CES2: variants seen among roughly 807,000 people sequenced by gnomAD.
CES2 encodes the protein cocaine esterase.
A neutral mutation model predicts 52.1 loss-of-function variants in CES2; 42 were observed. The observed-to-expected ratio is 0.81, with a 90% CI of 0.63 to 1.04. The LOEUF (loss-of-function observed/expected upper bound fraction) is 1.04, where lower values mean the gene tolerates loss of function less well. Ranked by LOEUF, CES2 falls within the 50% of genes least tolerant of loss-of-function variation. The probability of loss-of-function intolerance (pLI) is 0.00; values close to 1 mark genes in which losing one functional copy is unlikely to be tolerated. For missense variants in CES2, 656 were observed against 724.3 expected (o/e 0.91, Z 1.08); for synonymous variants, 277 against 289.6 (o/e 0.96, Z 0.44).
rs1184903751 is a variant in CES2, at chr16:66,940,378, C to T, written c.557+23C>T. On this transcript the variant is annotated intron_variant, in intron 4 of 11. Coordinates refer to ENST00000317091, the MANE Select transcript of CES2 (RefSeq NM_001365405.1). ...CAGGTGAGACTAGGGCTGGGCTGGGCAACCCGGGCTGAGCGGGGCCAGGAC... is the reference window on the plus strand; with the variant it reads ...CAGGTGAGACTAGGGCTGGGCTGGGTAACCCGGGCTGAGCGGGGCCAGGAC... 5 of 1,614,000 alleles carry T rather than the reference C, an allele frequency of 3.1e-6. No individual in the cohort carries two copies. The African/African-American group carries it at 4.0e-5, about 13-fold the overall frequency.
At position 66,942,643 on chromosome 16, in the gene CES2, C is replaced by A. The variant is rs539437735; in HGVS notation, c.1283-5C>A. On this transcript the variant is annotated splice_polypyrimidine_tract_variant and splice_region_variant and intron_variant, in intron 9 of 11. Coordinates refer to ENST00000317091, the MANE Select transcript of CES2 (RefSeq NM_001365405.1). ...CCACCGTGTCATGGGCTGTCCACCCCACAGGTTCCCGGGCCCCTGTGTACT... is the reference window on the plus strand; with the variant it reads ...CCACCGTGTCATGGGCTGTCCACCCAACAGGTTCCCGGGCCCCTGTGTACT... The A allele has an allele frequency of 1.1e-5, 18 of 1,614,164 alleles. No homozygotes were observed. The highest frequency in any genetic ancestry group is 8.8e-5 in the South Asian group (8 of 91,076).
At chr16:66,935,972 G>T in intron 1 of CES2, 1 of 1,400,954 alleles carries the variant, frequency 7.1e-7, no homozygotes, top group Non-Finnish European at 9.3e-7. Context: ...GACATGCCAG[G>T]CCGGGTAGGC....
rs201663206 is a variant in CES2 at position 66,940,558 on chromosome 16, G to A, written c.679G>A (p.Glu227Lys). 5.2e-5 allele frequency: 84 copies of A among 1,614,100 alleles called. No homozygotes were observed. Among genetic ancestry groups the A allele is most frequent in the Admixed American group, 1.0e-4 (6 of 60,010 alleles). ...CCCTGACCGTGTCACCATTTTTGGC[G>A]AGTCTGCGGGTGGCACGAGTGTGTC... ...GNPDRVTIFG[E>K]SAGGTSVSSL... Residue 227 changes from glutamate to lysine, a missense_variant, in exon 5 of 12, where the codon GAG becomes AAG. Coordinates refer to ENST00000317091, the MANE Select transcript of CES2 (RefSeq NM_001365405.1).
chr16:66,944,305 TCAA>T lies in CES2; in HGVS notation c.*281_*283del. The T allele has an allele frequency of 9.0e-6, 1 of 111,658 alleles. No homozygotes were observed. The highest frequency in any genetic ancestry group is 1.5e-5 in the Non-Finnish European group (1 of 66,922). 6.9% of individuals were successfully genotyped at this position (111,658 alleles called of 1,614,324 possible). ...CAGGGCAACACAGTGAGACCCCTTC[TCAA>T]AAAAAAAAAAAAAAAAGAGAGAGTG... On this transcript the variant is annotated 3_prime_UTR_variant, in exon 12 of 12. Transcript: ENST00000317091.
rs35024917 is a variant in CES2, at chr16:66,944,306, CAAA to C, written c.*297_*299del. On this transcript the variant is annotated 3_prime_UTR_variant, in exon 12 of 12. Coordinates refer to ENST00000317091, the MANE Select transcript of CES2 (RefSeq NM_001365405.1). Reference sequence around the variant, plus strand: ...AGGGCAACACAGTGAGACCCCTTCTCAAAAAAAAAAAAAAAAAAGAGAGAGTGT... The same window carrying C: ...AGGGCAACACAGTGAGACCCCTTCTCAAAAAAAAAAAAAAAGAGAGAGTGT... The C allele has an allele frequency of 1.4e-3, 106 of 78,138 alleles. No individual in the cohort carries two copies. The highest frequency in any genetic ancestry group is 1.9e-3 in the Non-Finnish European group (68 of 34,972). The allele number at this position is 78,138 out of a possible 1,614,324, so 4.8% of individuals were successfully genotyped here.
upstream of CES2, chr16:66,934,537 C>T (rs1378910609): frequency 3.0e-6 from 3 of 990,574 alleles, no homozygotes; most frequent in Non-Finnish European, 4.3e-6. The surrounding 1 kb of genome is among the most constrained non-coding windows in gnomAD (Gnocchi z 4.1). Context: ...CCTGGCTGCT[C>T]GGACCCGGGA....
chr16:66,938,001 C>A, intron 1 of CES2, 36 bp from the exon 2 acceptor site: 2 of 1,591,920 alleles, frequency 1.3e-6, no homozygotes, highest in South Asian at 1.1e-5. Context: ...GTCGATTGGT[C>A]AAACCCAACC....
In CES2 at chr16:66,941,524, G is replaced by A. The variant is rs147070911; in HGVS notation, c.934G>A (p.Gly312Arg). Reference sequence around the variant, plus strand: ...CCCTCAGCCTTTCAAGATGATCCCCGGAGTGGTGGATGGGGTCTTCCTGCC... The same window carrying A: ...CCCTCAGCCTTTCAAGATGATCCCCAGAGTGGTGGATGGGGTCTTCCTGCC... Reference protein sequence around the residue: ...AINKPFKMIPGVVDGVFLPRH... With the variant: ...AINKPFKMIPRVVDGVFLPRH... The change falls in exon 7 of 12, where the codon GGA becomes AGA. Residue 312 changes from glycine (G) to arginine (R), a missense_variant. By Grantham distance (125) the Gly-to-Arg change is moderately radical. Transcript: ENST00000317091. 364 of 1,613,972 alleles carry A rather than the reference G, an allele frequency of 2.3e-4. No individual in the cohort carries two copies. Among genetic ancestry groups the A allele is most frequent in the Non-Finnish European group, 2.8e-4 (333 of 1,179,992 alleles).
intron 1 of CES2, among the ~76,000 whole-genome samples, chr16:66,937,401 C>G (rs796976148): frequency 2.8e-4 from 42 of 152,306 alleles, no homozygotes; most frequent in African/African-American, 8.7e-4. Flanking sequence ...GATGTGTGCA[C>G]TTGTCCTTGA....
rs1963417163 is a variant in CES2 at position 66,943,692 on chromosome 16, C to T, written c.1494-147C>T. On this transcript the variant is annotated intron_variant, in intron 11 of 11. Coordinates refer to ENST00000317091, the MANE Select transcript of CES2 (RefSeq NM_001365405.1). This position sits in a 1 kb window ranked among gnomAD's most constrained non-coding sequence, Gnocchi z 4.2. ...GACACTAGCCAGAGGGAGCTTATTTCCTGTTTCTGGAAGCCTCCCCACTCA... is the reference window on the plus strand; with the variant it reads ...GACACTAGCCAGAGGGAGCTTATTTTCTGTTTCTGGAAGCCTCCCCACTCA... The T allele has an allele frequency of 2.2e-5, 14 of 640,248 alleles. No individual in the cohort carries two copies. The South Asian group carries it at 2.9e-4, about 13-fold the overall frequency. The allele number at this position is 640,248 out of a possible 1,614,324, so 39.7% of individuals were successfully genotyped here.
At chr16:66,941,026 C>T in intron 5 of CES2, 98 bp from the exon 6 acceptor site, 2 of 1,530,072 alleles carry the variant, frequency 1.3e-6, no homozygotes, top group Non-Finnish European at 1.8e-6. Flanking sequence ...GAAGTACCCT[C>T]TGAGATTTGG....
At position 66,939,200 on chromosome 16, in the gene CES2, T is replaced by C. The variant is rs755011929; in HGVS notation, c.282-17T>C. 1 of 1,613,184 alleles carries C rather than the reference T, an allele frequency of 6.2e-7. No homozygotes were observed. ...CACAGCCTGGCCCCTGGACTGATTATTTGCCCTGGTTACCAGGTGTCTACA... is the reference window on the plus strand; with the variant it reads ...CACAGCCTGGCCCCTGGACTGATTACTTGCCCTGGTTACCAGGTGTCTACA... On this transcript the variant is annotated splice_polypyrimidine_tract_variant and intron_variant, in intron 2 of 11. Transcript: ENST00000317091.
At chr16:66,934,501 G>C (rs948943550), upstream of CES2, 7 of 1,317,740 alleles carry the variant, frequency 5.3e-6, no homozygotes, top group Admixed American at 2.1e-4. The surrounding 1 kb of genome is among the most constrained non-coding windows in gnomAD (Gnocchi z 4.1). Context: ...CTCGGCCTGA[G>C]GTGCGAGAGA....
chr16:66,935,681 G>C lies in CES2; in HGVS notation c.46G>C (p.Gly16Arg). Residue 16 changes from glycine to arginine, a missense_variant, in exon 1 of 12, where the codon GGG becomes CGG. Physicochemically the swap from Gly to Arg is moderately radical, Grantham distance 125. Coordinates refer to ENST00000317091, the MANE Select transcript of CES2 (RefSeq NM_001365405.1). ...TGCGCGGCTGAGCGCGGTGGCCTGT[G>C]GGCTTCTGCTGCTTCTTGTCCGGGG... ...LRARLSAVAC[G>R]LLLLLVRGQG... The C allele has an allele frequency of 1.2e-6, 2 of 1,601,784 alleles. No homozygotes were observed. Among genetic ancestry groups the C allele is most frequent in the Non-Finnish European group, 1.7e-6 (2 of 1,179,834 alleles).
At position 66,942,253 on chromosome 16, in the gene CES2, A is replaced by C. The variant is rs373990947; in HGVS notation, c.1282+4A>C. ...CTCCAAGTAGCACATTTTCAGTGTG[A>C]GTATATTTGGACCAAAGCCTGGCGG... is the stretch of plus-strand genomic sequence containing the variant. On this transcript the variant is annotated splice_donor_region_variant and intron_variant, in intron 9 of 11. Coordinates refer to ENST00000317091, the MANE Select transcript of CES2 (RefSeq NM_001365405.1). The C allele has an allele frequency of 6.2e-7, 1 of 1,607,158 alleles. No individual in the cohort carries two copies. The highest frequency in any genetic ancestry group is 1.3e-5 in the African/African-American group (1 of 74,940).
intron 9 of CES2, 147 bp downstream of exon 9, chr16:66,942,396 G>T (rs1041973390): frequency 2.1e-6 from 2 of 936,378 alleles, no homozygotes; most frequent in Non-Finnish European, 3.2e-6. Flanking sequence ...AATCCTCATG[G>T]CTAGCCCAAG....
At position 66,941,974 on chromosome 16, in the gene CES2, G is replaced by T. The variant is rs539195594; in HGVS notation, c.1137+126G>T. 4.3e-4 allele frequency: 660 copies of T among 1,518,588 alleles called. 12 individuals carry two copies. In the South Asian group the frequency reaches 7.6e-3, roughly 17 times the overall value. 94.1% of individuals were successfully genotyped at this position (1,518,588 alleles called of 1,614,324 possible). On this transcript the variant is annotated intron_variant, in intron 8 of 11. Coordinates refer to ENST00000317091, the MANE Select transcript of CES2 (RefSeq NM_001365405.1). The stretch of plus-strand genomic sequence containing the variant: ...CATGAGCAAAGGCCTGGGTGTGTGT[G>T]TTTAGGGGTGGGGTCACCTCAGAGC...
rs759251627 is a variant in CES2, at chr16:66,935,642, C to A, written c.7C>A (p.Leu3Met). 1 of 1,606,042 alleles carries A rather than the reference C, an allele frequency of 6.2e-7. No homozygotes were observed. The highest frequency in any genetic ancestry group is 2.2e-5 in the East Asian group (1 of 44,868). Reference sequence around the variant, plus strand: ...CGAGACCAGCGAGCCGACCATGCGGCTGCACAGACTTCGTGCGCGGCTGAG... The same window carrying A: ...CGAGACCAGCGAGCCGACCATGCGGATGCACAGACTTCGTGCGCGGCTGAG... MR[L>M]HRLRARLSAV... Residue 3 changes from leucine (L) to methionine (M), a missense_variant, in exon 1 of 12, where the codon CTG becomes ATG. By Grantham distance (15) the Leu-to-Met change is conservative. Transcript: ENST00000317091.
rs758313741 is a variant in CES2, at chr16:66,943,934, TGAAG to T, written c.1591_1594del (p.Lys531ProfsTer99). 3 of 1,609,846 alleles carry T rather than the reference TGAAG, an allele frequency of 1.9e-6. No individual in the cohort carries two copies. In the South Asian group the frequency reaches 3.3e-5, roughly 18 times the overall value. On this transcript the variant is annotated frameshift_variant, in exon 12 of 12. Transcript: ENST00000317091. LOFTEE classifies it low-confidence loss of function (END_TRUNC). This position sits in a 1 kb window ranked among gnomAD's most constrained non-coding sequence, Gnocchi z 4.2. ...CTACAGCCTGCGGTGGGCCGGGCTC[TGAAG>T]GCCCACAGGCTCCAGTTCTGGAAGA...
Sources: allele counts gnomAD v4.1 joint callset (sites outside exome capture counted in the v4.1 genomes callset), GRCh38; gene constraint gnomAD v4.1.1; non-coding constraint Gnocchi (gnomAD v3.1); transcripts MANE v1.5; gene names NCBI Gene and HGNC (gene_info 2026-07-23, HGNC 2026-07-21).